The following UNC5C variants were observed in gnomAD, a reference collection of about 807,000 sequenced individuals.
UNC5C encodes the protein netrin receptor UNC5C.
UNC5C carries 47 observed loss-of-function variants against 99.8 expected under a neutral mutation model. That is an observed-to-expected ratio of 0.47 (90% CI 0.37 to 0.60). The LOEUF is 0.60. Among genes scored for constraint, UNC5C ranks in the 20% least tolerant of loss-of-function variants. The pLI is 0.00. For synonymous variants in UNC5C, 487 were observed against 452.2 expected (o/e 1.08, Z -0.98); for missense variants, 1,062 against 1,165.9 (o/e 0.91, Z 1.30).
intron 1 of UNC5C, among the ~76,000 whole-genome samples, chr4:95,384,082 A>G (rs1309628094): frequency 6.6e-6 from 1 of 152,172 alleles, no homozygotes; most frequent in Non-Finnish European, 1.5e-5. Context: ...TTCAAAAATG[A>G]TTTACTCTAA....
intron 7 of UNC5C, among the ~76,000 whole-genome samples, chr4:95,226,740 G>A (rs115266861): frequency 6.6e-6 from 1 of 152,192 alleles, no homozygotes; most frequent in East Asian, 1.9e-4. Flanking sequence ...CAAGGCCAGA[G>A]TGCAAATTGA....
intron 1 of UNC5C, among the ~76,000 whole-genome samples, chr4:95,395,579 A>G (rs1019890170): frequency 1.6e-4 from 24 of 152,166 alleles, no homozygotes; most frequent in African/African-American, 5.6e-4. Context: ...CCTGTTAGAA[A>G]AAATATATGC....
chr4:95,450,226 C>T (rs1747242543), intron 1 of UNC5C, among the ~76,000 whole-genome samples: 1 of 152,142 alleles, frequency 6.6e-6, no homozygotes, highest in South Asian at 2.1e-4. Flanking sequence ...CCCCAACCCC[C>T]TTGAAGATGG....
At chr4:95,482,978 G>A (rs1287710459) in intron 1 of UNC5C, among the ~76,000 whole-genome samples, 1 of 139,706 alleles carries the variant, frequency 7.2e-6, no homozygotes, top group Non-Finnish European at 1.5e-5. Flanking sequence ...CCTGCACATT[G>A]TGCACATGTA....
chr4:95,483,049 A>C (rs116807895), intron 1 of UNC5C, among the ~76,000 whole-genome samples: 13,057 of 130,214 alleles, frequency 0.1, 1,076 homozygotes, highest in African/African-American at 0.23. Context: ...TAATAAAAAC[A>C]CATGCAGTAA....
At position 95,168,742 on chromosome 4, in the gene UNC5C, TTC is replaced by T. The variant is rs1735958584; in HGVS notation, c.*490_*491del. The T allele has an allele frequency of 6.5e-6, 1 of 153,218 alleles. No homozygotes were observed. 9.5% of individuals were successfully genotyped at this position (153,218 alleles called of 1,614,324 possible). On this transcript the variant is annotated 3_prime_UTR_variant, in exon 16 of 16. Transcript: ENST00000453304. ...ACGATTTGTAGCAAAAGTCTGTGAT[TTC>T]TCTGTAAATTACTAATCTGAAATAG...
intron 1 of UNC5C, among the ~76,000 whole-genome samples, chr4:95,458,539 A>C (rs265037): frequency 0.051 from 7,743 of 152,160 alleles, 253 homozygotes; most frequent in East Asian, 0.14. Context: ...TGAACCACAA[A>C]AATTGATAGC....
intron 1 of UNC5C, among the ~76,000 whole-genome samples, chr4:95,398,347 T>TC (rs1745585973): frequency 6.6e-6 from 1 of 152,082 alleles, no homozygotes. Context: ...ACCCCAGTGC[T>TC]CCCCAACTTT....
intron 12 of UNC5C, among the ~76,000 whole-genome samples, chr4:95,201,387 T>A (rs191779742): frequency 3.3e-5 from 5 of 152,212 alleles, no homozygotes; most frequent in Non-Finnish European, 5.9e-5. Context: ...TTCAGCTCCA[T>A]CACACGTTCC....
intron 7 of UNC5C, among the ~76,000 whole-genome samples, chr4:95,237,858 A>G (rs1416365587): frequency 6.6e-6 from 1 of 152,146 alleles, no homozygotes; most frequent in Non-Finnish European, 1.5e-5. Context: ...CCTGGCCAAC[A>G]TGGTAAAACC....
chr4:95,449,392 T>C (rs553081488), intron 1 of UNC5C, among the ~76,000 whole-genome samples: 246 of 152,344 alleles, frequency 1.6e-3, no homozygotes, highest in African/African-American at 5.7e-3. Flanking sequence ...TAATTTTTAA[T>C]ATGAGATTCA....
chr4:95,252,681 A>G (rs1211063453), intron 4 of UNC5C, among the ~76,000 whole-genome samples: 1 of 152,230 alleles, frequency 6.6e-6, no homozygotes, highest in East Asian at 1.9e-4. Context: ...GAAATGCTCC[A>G]AAATCTGAAA....
intron 1 of UNC5C, among the ~76,000 whole-genome samples, chr4:95,458,447 G>C (rs1344157004): frequency 6.6e-6 from 1 of 151,922 alleles, no homozygotes; most frequent in Non-Finnish European, 1.5e-5. Flanking sequence ...TCATGGAGCT[G>C]ACAAATATAT....
intron 14 of UNC5C, among the ~76,000 whole-genome samples, chr4:95,174,549 G>A (rs1237668682): frequency 2.6e-5 from 4 of 151,998 alleles, no homozygotes; most frequent in East Asian, 1.9e-4. Flanking sequence ...GTAGTTGAGC[G>A]GTTTTGAGTG....
intron 7 of UNC5C, among the ~76,000 whole-genome samples, chr4:95,229,594 G>A (rs1033211128): frequency 4.6e-5 from 7 of 152,122 alleles, no homozygotes; most frequent in South Asian, 4.2e-4. Context: ...ACATATGTGC[G>A]CATGTGTCTT....
intron 4 of UNC5C, among the ~76,000 whole-genome samples, chr4:95,269,791 C>A (rs1408189955): frequency 2.0e-5 from 3 of 152,008 alleles, no homozygotes; most frequent in Non-Finnish European, 4.4e-5. Flanking sequence ...CAGCTCACTG[C>A]AACCTCTGCC....
chr4:95,323,738 T>C (rs1443240768), intron 2 of UNC5C, among the ~76,000 whole-genome samples: 1 of 152,136 alleles, frequency 6.6e-6, no homozygotes, highest in Non-Finnish European at 1.5e-5. Flanking sequence ...AGTTGACAAA[T>C]AGTAAATAAG....
chr4:95,232,485 A>G (rs1326118438), intron 7 of UNC5C, among the ~76,000 whole-genome samples: 1 of 152,126 alleles, frequency 6.6e-6, no homozygotes, highest in African/African-American at 2.4e-5. Flanking sequence ...TATCTGCTAG[A>G]TTTCTAGCAA....
intron 2 of UNC5C, among the ~76,000 whole-genome samples, chr4:95,306,319 C>T (rs185589491): frequency 0.035 from 5,275 of 152,234 alleles, 123 homozygotes; most frequent in South Asian, 0.052. Flanking sequence ...TCTCCTGCCT[C>T]AGCCTCCGGA....
Sources: allele counts gnomAD v4.1 joint callset (sites outside exome capture counted in the v4.1 genomes callset), GRCh38; gene constraint gnomAD v4.1.1; transcripts MANE v1.5; gene names NCBI Gene and HGNC (gene_info 2026-07-23, HGNC 2026-07-21).